The following SLC1A1 variants were observed in gnomAD, a reference collection of about 807,000 sequenced individuals.
SLC1A1 encodes solute carrier family 1 member 1.
Under a neutral mutation model 53.3 loss-of-function variants are expected in SLC1A1, and 43 were observed. That is an observed-to-expected ratio of 0.81 (90% CI 0.63 to 1.04). The LOEUF (loss-of-function observed/expected upper bound fraction) is 1.04. SLC1A1 is among the 50% of genes least tolerant of loss of function. The pLI is 0.00. For synonymous variants in SLC1A1, 307 were observed against 243.2 expected (o/e 1.26, Z -2.44); for missense variants, 748 against 664.9 (o/e 1.12, Z -1.37).
At chr9:4,581,287 G>C (rs1255328487) in intron 10 of SLC1A1, among the ~76,000 whole-genome samples, 1 of 152,214 alleles carries the variant, frequency 6.6e-6, no homozygotes, top group Non-Finnish European at 1.5e-5. Context: ...TGTGAGGAAA[G>C]AACTTTGTAC....
At chr9:4,510,368 AG>A (rs1425094885) in intron 1 of SLC1A1, among the ~76,000 whole-genome samples, 2 of 152,210 alleles carry the variant, frequency 1.3e-5, no homozygotes, top group Non-Finnish European at 2.9e-5. Flanking sequence ...CTAGAATACC[AG>A]TGGCAGCTTC....
chr9:4,514,575 G>C (rs772557921), intron 1 of SLC1A1, among the ~76,000 whole-genome samples: 2 of 152,078 alleles, frequency 1.3e-5, no homozygotes, highest in African/African-American at 2.4e-5. Context: ...AAATGAGAGA[G>C]CAGAGGGAGC....
At chr9:4,533,184 T>C (rs994700132) in intron 1 of SLC1A1, among the ~76,000 whole-genome samples, 9 of 152,196 alleles carry the variant, frequency 5.9e-5, no homozygotes, top group Admixed American at 5.2e-4. Context: ...GCTAAGATCA[T>C]AATGGCAGGA....
intron 1 of SLC1A1, among the ~76,000 whole-genome samples, chr9:4,538,988 T>A (rs1816789305): frequency 6.6e-6 from 1 of 152,254 alleles, no homozygotes; most frequent in Non-Finnish European, 1.5e-5. Context: ...CCTAGCATGA[T>A]GACATGGTGA....
At chr9:4,520,836 CCAAA>C (rs575171786) in intron 1 of SLC1A1, among the ~76,000 whole-genome samples, 115 of 152,274 alleles carry the variant, frequency 7.6e-4, no homozygotes, top group African/African-American at 2.7e-3. Context: ...TGAGGAACTG[CCAAA>C]CAGTCTTCCA....
At chr9:4,494,547 C>T (rs1468900148) in intron 1 of SLC1A1, among the ~76,000 whole-genome samples, 1 of 151,968 alleles carries the variant, frequency 6.6e-6, no homozygotes, top group Non-Finnish European at 1.5e-5. Flanking sequence ...ATAACTGTCC[C>T]TGTAGTATTA....
chr9:4,534,617 G>A (rs928453005), intron 1 of SLC1A1, among the ~76,000 whole-genome samples: 15 of 152,014 alleles, frequency 9.9e-5, no homozygotes, highest in Non-Finnish European at 1.3e-4. Flanking sequence ...ATTCACAGCC[G>A]AATTCTACCA....
intron 3 of SLC1A1, among the ~76,000 whole-genome samples, chr9:4,563,529 C>T (rs542619672): frequency 6.6e-6 from 1 of 152,204 alleles, no homozygotes; most frequent in African/African-American, 2.4e-5. Context: ...CATTCAGCAT[C>T]CCAGAGCCCT....
chr9:4,586,339 C>A lies in SLC1A1; in HGVS notation c.*781C>A, dbSNP rs932835750. On this transcript the variant is annotated 3_prime_UTR_variant, in exon 12 of 12. Transcript: ENST00000262352. ...CTTGAATAATAACCACGATTCCAAC[C>A]CAGGTCTGCTTTGGGGCTTATCAGA... 6.6e-6 allele frequency: 1 copy of A among 151,948 alleles called. No homozygotes were observed. The highest frequency in any genetic ancestry group is 2.4e-5 in the African/African-American group (1 of 41,352). The allele number at this position is 151,948 out of a possible 1,614,324, so 9.4% of individuals were successfully genotyped here.
chr9:4,573,202 A>T (rs1820222086), intron 7 of SLC1A1, among the ~76,000 whole-genome samples: 2 of 152,302 alleles, frequency 1.3e-5, no homozygotes, highest in Non-Finnish European at 2.9e-5. Context: ...CACCTTTCTT[A>T]GGATGCATCT....
intron 1 of SLC1A1, among the ~76,000 whole-genome samples, chr9:4,504,547 C>A (rs1820736838): frequency 6.6e-6 from 1 of 152,220 alleles, no homozygotes; most frequent in African/African-American, 2.4e-5. Flanking sequence ...AGGCTTGCTC[C>A]ATTTCTGCTG....
chr9:4,554,493 G>GTTA (rs1200817320), intron 2 of SLC1A1: 4 of 152,248 alleles, frequency 2.6e-5, no homozygotes, highest in African/African-American at 9.7e-5. Context: ...GGTTTAGGGT[G>GTTA]GATAATCAGG....
chr9:4,533,216 T>G (rs545838532), intron 1 of SLC1A1, among the ~76,000 whole-genome samples: 1 of 152,228 alleles, frequency 6.6e-6, no homozygotes, highest in Admixed American at 6.5e-5. Context: ...CATAGCAATA[T>G]TAACCTTAAA....
At chr9:4,507,460 T>C (rs1326207467) in intron 1 of SLC1A1, among the ~76,000 whole-genome samples, 2 of 152,212 alleles carry the variant, frequency 1.3e-5, no homozygotes, top group African/African-American at 4.8e-5. Context: ...TGTTTGTTAT[T>C]GTGTCTTAAA....
intron 1 of SLC1A1, among the ~76,000 whole-genome samples, chr9:4,538,971 T>C (rs1175449607): frequency 6.6e-6 from 1 of 152,258 alleles, no homozygotes; most frequent in Non-Finnish European, 1.5e-5. Context: ...ATTTGCTTAA[T>C]GTAGTGCCTA....
At chr9:4,514,406 G>A (rs1381987749) in intron 1 of SLC1A1, among the ~76,000 whole-genome samples, 2 of 152,152 alleles carry the variant, frequency 1.3e-5, no homozygotes, top group East Asian at 3.8e-4. Context: ...GGCATGGAAG[G>A]TTCACTAACA....
At position 4,543,874 on chromosome 9, in the gene SLC1A1, G is replaced by A. The variant is rs146272023; in HGVS notation, c.92-693G>A. Among the ~76,000 whole-genome samples, 1,008 of 152,162 alleles carry A rather than the reference G, an allele frequency of 6.6e-3. 5 individuals are homozygous for A. The highest frequency in any genetic ancestry group is 0.02 in the Middle Eastern group (6 of 294). ...ATATGAGAAAAATACAAACTGATAT[G>A]TAAACTATAAAATATGTAAAATAGC... is the stretch of plus-strand genomic sequence containing the variant. On this transcript the variant is annotated intron_variant, in intron 1 of 11. Coordinates refer to ENST00000262352, the MANE Select transcript of SLC1A1 (RefSeq NM_004170.6).
intron 2 of SLC1A1, among the ~76,000 whole-genome samples, chr9:4,558,757 T>TA (rs1818660790): frequency 6.6e-6 from 1 of 152,154 alleles, no homozygotes; most frequent in South Asian, 2.1e-4. Flanking sequence ...AACAGCTCTG[T>TA]AACTACTCTG....
intron 1 of SLC1A1, among the ~76,000 whole-genome samples, chr9:4,518,814 G>T (rs1218373061): frequency 6.6e-6 from 1 of 152,190 alleles, no homozygotes; most frequent in East Asian, 1.9e-4. Flanking sequence ...GAAAGAAGAA[G>T]AATTTTCTCA....
Sources: gnomAD v4.1 joint callset for allele counts (sites outside exome capture counted in the v4.1 genomes callset) on GRCh38, gnomAD v4.1.1 for gene constraint, MANE v1.5 for transcripts, NCBI Gene and HGNC (gene_info 2026-07-23, HGNC 2026-07-21) for gene names.